GPC6: variants seen among roughly 807,000 people sequenced by gnomAD.
The protein encoded by GPC6 is glypican 6.
Under a neutral mutation model 55.2 loss-of-function variants are expected in GPC6, and 14 were observed. The observed-to-expected ratio is 0.25, with a 90% CI of 0.17 to 0.40. The LOEUF (loss-of-function observed/expected upper bound fraction) is 0.40. GPC6 is among the 10% of genes least tolerant of loss of function. GPC6 has a pLI of 1.00. For synonymous variants in GPC6, 278 were observed against 259.6 expected (o/e 1.07, Z -0.68); for missense variants, 641 against 708.5 (o/e 0.90, Z 1.08).
intron 2 of GPC6, among the ~76,000 whole-genome samples, chr13:93,569,724 CTCTTT>C (rs1001366740): frequency 2.6e-5 from 4 of 151,888 alleles, no homozygotes. Context: ...AGAGAAAAAT[CTCTTT>C]TATTTGTTAA....
intron 1 of GPC6, among the ~76,000 whole-genome samples, chr13:93,344,819 A>C (rs1023959858): frequency 6.6e-6 from 1 of 152,162 alleles, no homozygotes; most frequent in Non-Finnish European, 1.5e-5. Context: ...TTACTTTCTC[A>C]GTGCTAATGG....
At chr13:93,380,219 G>C (rs1054882356) in intron 1 of GPC6, among the ~76,000 whole-genome samples, 1 of 152,054 alleles carries the variant, frequency 6.6e-6, no homozygotes, top group Non-Finnish European at 1.5e-5. Flanking sequence ...TAAATTAGAA[G>C]CCTAAGAAAT....
intron 4 of GPC6, among the ~76,000 whole-genome samples, chr13:94,102,855 A>C (rs1227052322): frequency 6.6e-6 from 1 of 152,134 alleles, no homozygotes. Context: ...CAACTTAATT[A>C]GTTATGTATC....
chr13:93,593,093 G>A (rs1421383634), intron 2 of GPC6, among the ~76,000 whole-genome samples: 2 of 151,932 alleles, frequency 1.3e-5, no homozygotes, highest in Non-Finnish European at 2.9e-5. Context: ...ATACATAAAT[G>A]CCCGCTAAAT....
At chr13:94,174,313 A>C (rs890910603) in intron 4 of GPC6, among the ~76,000 whole-genome samples, 2 of 152,170 alleles carry the variant, frequency 1.3e-5, no homozygotes, top group Non-Finnish European at 2.9e-5. Flanking sequence ...AAAAAATAAG[A>C]ATGTTGAACA....
chr13:93,589,470 T>G (rs1312673379), intron 2 of GPC6, among the ~76,000 whole-genome samples: 1 of 152,210 alleles, frequency 6.6e-6, no homozygotes, highest in African/African-American at 2.4e-5. Flanking sequence ...ATAAAATTCA[T>G]CCATTAAATA....
At chr13:93,903,132 G>A (rs1876456285) in intron 3 of GPC6, among the ~76,000 whole-genome samples, 1 of 152,130 alleles carries the variant, frequency 6.6e-6, no homozygotes, top group Admixed American at 6.5e-5. Context: ...AAACACAGGG[G>A]AAATGCTACA....
At chr13:93,826,530 A>T (rs1416291256) in intron 2 of GPC6, among the ~76,000 whole-genome samples, 2 of 152,200 alleles carry the variant, frequency 1.3e-5, no homozygotes. Flanking sequence ...ATGAAAAAAA[A>T]TAGGAAAAGG....
At chr13:94,289,823 C>T (rs1197707546) in intron 5 of GPC6, among the ~76,000 whole-genome samples, 2 of 152,192 alleles carry the variant, frequency 1.3e-5, no homozygotes, top group Non-Finnish European at 2.9e-5. Context: ...GTGCTCCATC[C>T]TCATCTATAA....
At chr13:93,680,448 G>A (rs1881806103) in intron 2 of GPC6, among the ~76,000 whole-genome samples, 1 of 152,122 alleles carries the variant, frequency 6.6e-6, no homozygotes, top group Admixed American at 6.6e-5. Flanking sequence ...TCCAATACAG[G>A]GAGATTCTGA....
intron 4 of GPC6, among the ~76,000 whole-genome samples, chr13:94,099,175 A>C (rs1313177229): frequency 6.6e-6 from 1 of 152,184 alleles, no homozygotes; most frequent in Non-Finnish European, 1.5e-5. Context: ...AATTCATCTT[A>C]AATGTCTTAT....
chr13:94,318,089 G>A (rs888360612), intron 6 of GPC6, among the ~76,000 whole-genome samples: 4 of 152,130 alleles, frequency 2.6e-5, no homozygotes, highest in African/African-American at 9.7e-5. Flanking sequence ...GCTCCTAATG[G>A]CACACATGAA....
chr13:93,414,707 A>G (rs1222671270), intron 1 of GPC6, among the ~76,000 whole-genome samples: 1 of 152,116 alleles, frequency 6.6e-6, no homozygotes, highest in Non-Finnish European at 1.5e-5. Flanking sequence ...ATTACTGTAA[A>G]AGATAATGAA....
rs139811747 is a variant in GPC6, at chr13:94,283,216, G to C, written c.878-3133G>C. Among the ~76,000 whole-genome samples the C allele has an allele frequency of 3.2e-3, 488 of 152,260 alleles. 1 individual carries two copies. The highest frequency in any genetic ancestry group is 0.011 in the African/African-American group (468 of 41,550). The stretch of plus-strand genomic sequence containing the variant: ...GGAGGTGGTGACTTATAAAAGCTAA[G>C]CTTTGTTATGAGCTAATTTTGTGCT... On this transcript the variant is annotated intron_variant, in intron 4 of 8. Coordinates refer to ENST00000377047, the MANE Select transcript of GPC6 (RefSeq NM_005708.5).
intron 2 of GPC6, among the ~76,000 whole-genome samples, chr13:93,566,561 CT>C (rs1566427294): frequency 6.8e-6 from 1 of 148,014 alleles, no homozygotes; most frequent in African/African-American, 2.5e-5. Context: ...TTTTTTATGA[CT>C]TTTTTTTCTT....
At chr13:93,877,492 C>A (rs1318049295) in intron 3 of GPC6, among the ~76,000 whole-genome samples, 1 of 152,014 alleles carries the variant, frequency 6.6e-6, no homozygotes, top group African/African-American at 2.4e-5. Context: ...ACATAAATTT[C>A]AAATGTGTTC....
At chr13:94,048,175 G>A (rs1883798918) in intron 4 of GPC6, among the ~76,000 whole-genome samples, 1 of 152,000 alleles carries the variant, frequency 6.6e-6, no homozygotes, top group Non-Finnish European at 1.5e-5. Flanking sequence ...ATGAGATGAT[G>A]CCTAGCCTTT....
intron 3 of GPC6, among the ~76,000 whole-genome samples, chr13:93,932,009 G>C (rs941983515): frequency 6.6e-6 from 1 of 152,132 alleles, no homozygotes; most frequent in African/African-American, 2.4e-5. Flanking sequence ...TCATGTTATA[G>C]AGCCATCATA....
intron 4 of GPC6, among the ~76,000 whole-genome samples, chr13:94,070,405 G>C (rs1884687698): frequency 6.6e-6 from 1 of 152,184 alleles, no homozygotes; most frequent in Non-Finnish European, 1.5e-5. Flanking sequence ...AGAGAACTCA[G>C]AGATATACAG....
Sources: gnomAD v4.1 joint callset for allele counts (sites outside exome capture counted in the v4.1 genomes callset) on GRCh38, gnomAD v4.1.1 for gene constraint, MANE v1.5 for transcripts, NCBI Gene and HGNC (gene_info 2026-07-23, HGNC 2026-07-21) for gene names.